The following STAM2 variants were observed in gnomAD, a reference collection of about 807,000 sequenced individuals.
STAM2 encodes signal transducing adaptor molecule 2.
A neutral mutation model predicts 65.6 loss-of-function variants in STAM2; 51 were observed. That is an observed-to-expected ratio of 0.78 (90% confidence interval 0.62 to 0.98). The LOEUF (loss-of-function observed/expected upper bound fraction) is 0.98. STAM2 is among the 50% of genes least tolerant of loss of function. STAM2 has a pLI of 0.00. For synonymous variants in STAM2, 198 were observed against 208.4 expected, an observed-to-expected ratio of 0.95 and a Z score of 0.43; for missense variants, 584 against 617.8, an observed-to-expected ratio of 0.95 and a Z score of 0.58.
chr2:152,148,945 T>C (rs1028327931), intron 2 of STAM2, among the ~76,000 whole-genome samples: 5 of 152,194 alleles, frequency 3.3e-5, no homozygotes, highest in African/African-American at 1.2e-4. Flanking sequence ...AAATCTAACA[T>C]GATATACAAT....
At chr2:152,172,976 T>G (rs1282179866) in intron 1 of STAM2, among the ~76,000 whole-genome samples, 1 of 152,032 alleles carries the variant, frequency 6.6e-6, no homozygotes, top group Non-Finnish European at 1.5e-5. Flanking sequence ...TCAGGGACTA[T>G]GACTATTTTA....
intron 13 of STAM2, among the ~76,000 whole-genome samples, chr2:152,122,664 A>G (rs1688877972): frequency 6.6e-6 from 1 of 152,162 alleles, no homozygotes; most frequent in South Asian, 2.1e-4. Flanking sequence ...GACCTTATAG[A>G]TCATCTACAT....
chr2:152,164,949 A>G (rs527705167), intron 1 of STAM2, among the ~76,000 whole-genome samples: 4 of 152,280 alleles, frequency 2.6e-5, no homozygotes, highest in African/African-American at 9.6e-5. Context: ...GATATTTCCA[A>G]AATACCCTCT....
chr2:152,141,615 G>C (rs771703776), intron 7 of STAM2, among the ~76,000 whole-genome samples: 2 of 151,602 alleles, frequency 1.3e-5, no homozygotes, highest in African/African-American at 2.4e-5. Context: ...TTTTGAGACA[G>C]AGTCTCGCTC....
At chr2:152,136,164 C>T (rs1018537331) in intron 7 of STAM2, among the ~76,000 whole-genome samples, 1 of 151,832 alleles carries the variant, frequency 6.6e-6, no homozygotes, top group Non-Finnish European at 1.5e-5. Flanking sequence ...AAAGTAAGGC[C>T]GGATGCAGTA....
chr2:152,155,633 C>CAT (rs1385844173), intron 1 of STAM2, among the ~76,000 whole-genome samples: 1 of 152,192 alleles, frequency 6.6e-6, no homozygotes, highest in Non-Finnish European at 1.5e-5. Flanking sequence ...AAAAGCAAAT[C>CAT]ATATATATTA....
At chr2:152,121,281 G>A (rs909149970) in intron 13 of STAM2, among the ~76,000 whole-genome samples, 2 of 152,152 alleles carry the variant, frequency 1.3e-5, no homozygotes, top group East Asian at 1.9e-4. Flanking sequence ...GCTTGTTAAT[G>A]TAATTTTTAT....
rs753826019 is a variant in STAM2, at chr2:152,123,753, T to C, written c.1349+13A>G. On this transcript the variant is annotated intron_variant, in intron 13 of 13. Transcript: ENST00000263904. Reference sequence around the variant, plus strand: ...TTAACACATATAAAATTAACACAGCTCCCAAAACTTACCTTAAATATGAAG... The same window carrying C: ...TTAACACATATAAAATTAACACAGCCCCCAAAACTTACCTTAAATATGAAG... 37 of 1,613,182 alleles carry C rather than the reference T, an allele frequency of 2.3e-5. No individual in the cohort carries two copies. Among genetic ancestry groups the C allele is most frequent in the Non-Finnish European group, 3.0e-5 (35 of 1,179,560 alleles).
rs1016731457 is a variant in STAM2, at chr2:152,117,081, A to G, written c.*3493T>C. The G allele has an allele frequency of 4.6e-5, 7 of 152,214 alleles. No homozygotes were observed. The highest frequency in any genetic ancestry group is 1.7e-4 in the African/African-American group (7 of 41,448). 9.4% of individuals were successfully genotyped at this position (152,214 alleles called of 1,614,324 possible). A position where few individuals can be genotyped will look rare whatever the true frequency, so the allele number is the denominator to read the frequency against. ...GAAATTTGGAGGGACACTATTCACT[A>G]TATCACACAAGCAACATAATGCCTC... On this transcript the variant is annotated 3_prime_UTR_variant, in exon 14 of 14. Transcript: ENST00000263904.
intron 12 of STAM2, chr2:152,124,273 CTT>C: frequency 5.1e-6 from 1 of 196,956 alleles, no homozygotes; most frequent in South Asian, 1.1e-4. Flanking sequence ...TATACACTCC[CTT>C]GAAGGGAAGC....
At chr2:152,170,249 A>G (rs987698949) in intron 1 of STAM2, among the ~76,000 whole-genome samples, 2 of 151,400 alleles carry the variant, frequency 1.3e-5, no homozygotes, top group African/African-American at 4.8e-5. Context: ...TGGGAGGCCA[A>G]GACGGGCGGA....
At position 152,133,263 on chromosome 2, in the gene STAM2, A is replaced by T. The variant is rs764636778; in HGVS notation, c.883-3T>A. On this transcript the variant is annotated splice_region_variant and splice_polypyrimidine_tract_variant and intron_variant, in intron 9 of 13. Transcript: ENST00000263904. ...TGCAGGGCTCTATCCATCTTATCCT[A>T]AAAAAGTAACAGGACACTTTTCAAA... 1.2e-6 allele frequency: 2 copies of T among 1,602,386 alleles called. No homozygotes were observed. The highest frequency in any genetic ancestry group is 3.5e-5 in the Admixed American group (2 of 57,918).
At position 152,161,465 on chromosome 2, in the gene STAM2, C is replaced by G. The variant is rs1000130183; in HGVS notation, c.41-11236G>C. Among the ~76,000 whole-genome samples the G allele has an allele frequency of 8.1e-5, 12 of 147,258 alleles. No individual in the cohort carries two copies. In the Admixed American group the frequency reaches 8.2e-4, roughly 10 times the overall value. On this transcript the variant is annotated intron_variant, in intron 1 of 13. Coordinates refer to ENST00000263904, the MANE Select transcript of STAM2 (RefSeq NM_005843.6). Reference sequence around the variant, plus strand: ...TGTCCTGTGACCCTGCCAAATCCCCCTCTGCGAGAAACACCCAAGAATGAT... The same window carrying G: ...TGTCCTGTGACCCTGCCAAATCCCCGTCTGCGAGAAACACCCAAGAATGAT...
rs1553846408 is a variant in STAM2, at chr2:152,144,046, G to C, written c.518-33C>G. The C allele has an allele frequency of 1.1e-5, 16 of 1,484,210 alleles. No individual in the cohort carries two copies. The South Asian group carries it at 1.5e-4, about 14-fold the overall frequency. The allele number at this position is 1,484,210 out of a possible 1,614,324, so 91.9% of individuals were successfully genotyped here. The stretch of plus-strand genomic sequence containing the variant: ...CAAAAATTAAAATGCAAAGAAACTG[G>C]AATTAATTTTGATAAAATAAACATT... On this transcript the variant is annotated intron_variant, in intron 6 of 13. Transcript: ENST00000263904.
chr2:152,159,731 CCA>C (rs988238053), intron 1 of STAM2, among the ~76,000 whole-genome samples: 3 of 152,014 alleles, frequency 2.0e-5, no homozygotes, highest in Non-Finnish European at 2.9e-5. Context: ...CTCCCTCTCC[CCA>C]CAGTCTCCCT....
chr2:152,127,027 C>G (rs1688974955), intron 11 of STAM2, among the ~76,000 whole-genome samples: 1 of 152,158 alleles, frequency 6.6e-6, no homozygotes, highest in Non-Finnish European at 1.5e-5. Flanking sequence ...GCTTCCACTT[C>G]ATTTACATGA....
intron 2 of STAM2, 113 bp from the exon 3 acceptor site, chr2:152,148,413 T>C: frequency 1.2e-6 from 1 of 852,028 alleles, no homozygotes; most frequent in Non-Finnish European, 1.8e-6. Flanking sequence ...CTCATGCCTG[T>C]AATTCCAACA....
At chr2:152,141,648 T>C (rs921893922) in intron 7 of STAM2, among the ~76,000 whole-genome samples, 1 of 151,380 alleles carries the variant, frequency 6.6e-6, no homozygotes, top group Non-Finnish European at 1.5e-5. Context: ...TGGAGTGCAA[T>C]GGCACGATCT....
At chr2:152,164,132 AAT>A (rs1689734598) in intron 1 of STAM2, among the ~76,000 whole-genome samples, 1 of 152,084 alleles carries the variant, frequency 6.6e-6, no homozygotes, top group Non-Finnish European at 1.5e-5. Context: ...TACGGCCCGT[AAT>A]GACCTGGTGG....
Sources: allele counts gnomAD v4.1 joint callset (sites outside exome capture counted in the v4.1 genomes callset), GRCh38; gene constraint gnomAD v4.1.1; transcripts MANE v1.5; gene names NCBI Gene and HGNC (gene_info 2026-07-23, HGNC 2026-07-21).